The following ALPK1 variants were observed in gnomAD, a reference collection of about 807,000 sequenced individuals.
ALPK1 encodes the protein alpha kinase 1, also known as alpha-protein kinase 1.
In ALPK1, 110 loss-of-function variants were observed where a neutral mutation model predicts 120.6. The observed-to-expected ratio is 0.91, with a 90% confidence interval of 0.78 to 1.07. The LOEUF (loss-of-function observed/expected upper bound fraction) is 1.07. ALPK1 is among the 50% of genes least tolerant of loss of function. The pLI, the probability that ALPK1 is intolerant of heterozygous loss-of-function variation, is 0.00. For synonymous variants in ALPK1, 582 were observed against 560.3 expected, an observed-to-expected ratio of 1.04 and a Z score of -0.55; for missense variants, 1,498 against 1,483.9, an observed-to-expected ratio of 1.01 and a Z score of -0.16.
intron 2 of ALPK1, among the ~76,000 whole-genome samples, chr4:112,368,753 A>G (rs967319964): frequency 2.6e-5 from 4 of 152,206 alleles, no homozygotes; most frequent in African/African-American, 9.6e-5. Flanking sequence ...ATGTTTTGCC[A>G]CAGACAATTT....
At chr4:112,339,940 G>A (rs1405831464) in intron 2 of ALPK1, among the ~76,000 whole-genome samples, 2 of 152,230 alleles carry the variant, frequency 1.3e-5, no homozygotes, top group African/African-American at 4.8e-5. Context: ...ATTGTGGATA[G>A]ACACTTAGGA....
At chr4:112,361,845 T>A (rs987634019) in intron 2 of ALPK1, among the ~76,000 whole-genome samples, 3 of 152,258 alleles carry the variant, frequency 2.0e-5, no homozygotes, top group African/African-American at 7.2e-5. Context: ...TTCATTCCCC[T>A]GCTACCTCCA....
At chr4:112,438,731 A>G (rs1734898014) in intron 13 of ALPK1, 85 bp downstream of exon 13, 2 of 1,459,196 alleles carry the variant, frequency 1.4e-6, no homozygotes, top group Non-Finnish European at 1.9e-6. Flanking sequence ...CCACATAATC[A>G]GGCTAGCATT....
chr4:112,311,988 T>C (rs1368090945), intron 1 of ALPK1, among the ~76,000 whole-genome samples: 1 of 152,178 alleles, frequency 6.6e-6, no homozygotes, highest in Non-Finnish European at 1.5e-5. Flanking sequence ...AGTGTTTTTT[T>C]TCTAAATCAT....
intron 4 of ALPK1, among the ~76,000 whole-genome samples, chr4:112,395,572 A>G (rs1732612851): frequency 6.6e-6 from 1 of 152,338 alleles, no homozygotes; most frequent in Non-Finnish European, 1.5e-5. Flanking sequence ...ATTACTATGT[A>G]TATAGATTTC....
Position 112,431,090 on chromosome 4 carries a change from GAC to G in ALPK1, c.1547_1548del (p.Thr516ArgfsTer9). 3 of 1,614,210 alleles carry G rather than the reference GAC, an allele frequency of 1.9e-6. No homozygotes were observed. Among genetic ancestry groups the G allele is most frequent in the African/African-American group, 1.3e-5 (1 of 75,052 alleles). ...TCAAGAAAAGCCACATTGTCAAAGA[GAC>G]ACAGGAATATCTTCCTCCCTAATGG... ...TTQEKPHCQRDTGISSSLMGK... is the reference protein window; with the variant it reads ...TTQEKPHCQRXTGISSSLMGK... On this transcript the variant is annotated frameshift_variant, in exon 11 of 16. Transcript: ENST00000650871. LOFTEE classifies it high-confidence loss of function.
rs952363877 is a variant in ALPK1, at chr4:112,440,380, G to A, written c.3538+508G>A. ...ATTTTAATTTTGTTTTAGTTTGTCTGGTATTTTATTCATCAGAATTTTTAT... is the reference window on the plus strand; with the variant it reads ...ATTTTAATTTTGTTTTAGTTTGTCTAGTATTTTATTCATCAGAATTTTTAT... On this transcript the variant is annotated intron_variant, in intron 14 of 15. Coordinates refer to ENST00000650871, the MANE Select transcript of ALPK1 (RefSeq NM_025144.4). Among the ~76,000 whole-genome samples, 6 of 151,800 alleles carry A rather than the reference G, an allele frequency of 4.0e-5. No homozygotes were observed. The South Asian group carries it at 1.3e-3, about 32-fold the overall frequency.
At chr4:112,364,449 C>T (rs550758841) in intron 2 of ALPK1, among the ~76,000 whole-genome samples, 20 of 151,992 alleles carry the variant, frequency 1.3e-4, no homozygotes, top group African/African-American at 4.6e-4. Context: ...CATGCATAAA[C>T]TAGAAAACCT....
intron 6 of ALPK1, among the ~76,000 whole-genome samples, chr4:112,424,734 A>G (rs900157236): frequency 6.6e-6 from 1 of 152,112 alleles, no homozygotes; most frequent in African/African-American, 2.4e-5. Flanking sequence ...GGCCACCATC[A>G]CTAAACTACA....
intron 2 of ALPK1, among the ~76,000 whole-genome samples, chr4:112,345,529 G>C (rs1411701148): frequency 1.3e-5 from 2 of 152,180 alleles, no homozygotes; most frequent in Non-Finnish European, 2.9e-5. Context: ...GCCCAATTTT[G>C]TTGGTTATCT....
intron 2 of ALPK1, among the ~76,000 whole-genome samples, chr4:112,316,890 G>A (rs547296386): frequency 6.6e-6 from 1 of 151,930 alleles, no homozygotes; most frequent in South Asian, 2.1e-4. Context: ...GGAATGACTC[G>A]CATTCCCAAA....
intron 4 of ALPK1, among the ~76,000 whole-genome samples, chr4:112,396,484 G>A (rs116940707): frequency 6.6e-6 from 1 of 152,338 alleles, no homozygotes; most frequent in East Asian, 1.9e-4. Context: ...GATGAAGCAC[G>A]ATTATGTGCC....
At position 112,430,729 on chromosome 4, in the gene ALPK1, T is replaced by C. The variant is rs1276550644; in HGVS notation, c.1182T>C (p.Thr394=). The change falls in exon 11 of 16, where the codon ACT becomes ACC. Residue 394 remains threonine, a synonymous_variant. Coordinates refer to ENST00000650871, the MANE Select transcript of ALPK1 (RefSeq NM_025144.4). ...EAMGKLYNFS[T]SSRSQDREAL... is the part of the protein sequence containing the mutation. ...TGGGGAAGCTGTACAATTTCAGCAC[T>C]TCCTCCAGAAGTCAGGACAGAGAAG... The C allele has an allele frequency of 6.2e-7, 1 of 1,614,182 alleles. No homozygotes were observed. Among genetic ancestry groups the C allele is most frequent in the Admixed American group, 1.7e-5 (1 of 60,018 alleles).
chr4:112,391,153 C>T (rs1454813822), intron 4 of ALPK1, among the ~76,000 whole-genome samples: 2 of 152,180 alleles, frequency 1.3e-5, no homozygotes, highest in African/African-American at 4.8e-5. Context: ...TAGGCCCTCA[C>T]AACCTGTCTT....
chr4:112,392,338 T>TC (rs150419663), intron 4 of ALPK1, among the ~76,000 whole-genome samples: 11 of 152,040 alleles, frequency 7.2e-5, no homozygotes, highest in Non-Finnish European at 1.5e-4. Context: ...GGCTTTAACT[T>TC]CCCCCCAACC....
At chr4:112,308,705 A>C (rs1728242756) in intron 1 of ALPK1, among the ~76,000 whole-genome samples, 1 of 152,036 alleles carries the variant, frequency 6.6e-6, no homozygotes. Context: ...TTCCTCCTTT[A>C]GCTCAGAAAA....
intron 2 of ALPK1, among the ~76,000 whole-genome samples, chr4:112,367,563 T>C (rs569779786): frequency 7.2e-5 from 11 of 152,230 alleles, no homozygotes; most frequent in Non-Finnish European, 1.6e-4. Flanking sequence ...GTGCAACTAC[T>C]ACACCATTTT....
rs1728610616 is a variant in ALPK1, at chr4:112,315,838, G to A, written c.-115G>A. 6.6e-6 allele frequency: 1 copy of A among 152,218 alleles called. No homozygotes were observed. The allele number at this position is 152,218 out of a possible 1,614,324, so 9.4% of individuals were successfully genotyped here. A position where few individuals can be genotyped will look rare whatever the true frequency, so the allele number is the denominator to read the frequency against. On this transcript the variant is annotated 5_prime_UTR_variant, in exon 2 of 16. The change abolishes an upstream ATG in the 5' untranslated region. Transcript: ENST00000650871. ...AATCAGGAATGGATTGAAATCTAAT[G>A]AACCGAAACTTTGGGTAAGTTTTCA...
At chr4:112,370,738 C>T (rs1252498646) in intron 2 of ALPK1, among the ~76,000 whole-genome samples, 1 of 152,170 alleles carries the variant, frequency 6.6e-6, no homozygotes, top group Non-Finnish European at 1.5e-5. Flanking sequence ...ATTGTCTCCT[C>T]TGAATTCTAC....
Sources: gnomAD v4.1 joint callset for allele counts (sites outside exome capture counted in the v4.1 genomes callset) on GRCh38, gnomAD v4.1.1 for gene constraint, MANE v1.5 for transcripts, NCBI Gene and HGNC (gene_info 2026-07-23, HGNC 2026-07-21) for gene names.